The following NEGR1 variants were observed in gnomAD, a reference collection of about 807,000 sequenced individuals.
NEGR1 encodes the protein IgLON family member 4.
Under a neutral mutation model 40.9 loss-of-function variants are expected in NEGR1, and 10 were observed. The ratio of observed to expected loss-of-function variants is 0.24; its 90% CI spans 0.15 to 0.42. The LOEUF (loss-of-function observed/expected upper bound fraction) is 0.42, where lower values mean the gene tolerates loss of function less well. Among genes scored for constraint, NEGR1 ranks in the 10% least tolerant of loss-of-function variants. The pLI, the probability that NEGR1 is intolerant of heterozygous loss-of-function variation, is 1.00. For synonymous variants in NEGR1, 185 were observed against 166.8 expected, an observed-to-expected ratio of 1.11 and a Z score of -0.84; for missense variants, 352 against 438.9, an observed-to-expected ratio of 0.80 and a Z score of 1.77.
At chr1:71,860,246 A>G (rs1348028155) in intron 2 of NEGR1, among the ~76,000 whole-genome samples, 4 of 152,062 alleles carry the variant, frequency 2.6e-5, no homozygotes, top group Non-Finnish European at 4.4e-5. Context: ...GTAAGAGACA[A>G]TATACGCTTG....
chr1:72,203,687 T>A (rs1360203257), intron 1 of NEGR1, among the ~76,000 whole-genome samples: 1 of 152,146 alleles, frequency 6.6e-6, no homozygotes, highest in Non-Finnish European at 1.5e-5. Context: ...CATCACATGC[T>A]GTGGAAAAAT....
intron 6 of NEGR1, among the ~76,000 whole-genome samples, chr1:71,493,688 G>T (rs371416117): frequency 6.6e-6 from 1 of 152,096 alleles, no homozygotes; most frequent in East Asian, 1.9e-4. Context: ...AATATAAAGA[G>T]AATACTTCAC....
intron 4 of NEGR1, among the ~76,000 whole-genome samples, chr1:71,612,280 G>T (rs1263726187): frequency 6.6e-6 from 1 of 152,168 alleles, no homozygotes; most frequent in Non-Finnish European, 1.5e-5. Flanking sequence ...GTATTTATGG[G>T]TATGCCAGAT....
chr1:71,658,071 A>C (rs1457406997), intron 4 of NEGR1, among the ~76,000 whole-genome samples: 1 of 152,206 alleles, frequency 6.6e-6, no homozygotes, highest in African/African-American at 2.4e-5. Context: ...CCAGCCAAAC[A>C]TAATTAATTG....
intron 4 of NEGR1, among the ~76,000 whole-genome samples, chr1:71,619,182 T>C (rs1032667181): frequency 1.3e-5 from 2 of 152,148 alleles, no homozygotes; most frequent in African/African-American, 4.8e-5. Flanking sequence ...TAAATATATT[T>C]GGCCAAGTTG....
intron 1 of NEGR1, among the ~76,000 whole-genome samples, chr1:72,127,043 G>A (rs566684199): frequency 6.6e-6 from 1 of 152,198 alleles, no homozygotes; most frequent in South Asian, 2.1e-4. Context: ...GAAAATATAA[G>A]GACAAAAGCT....
chr1:72,081,829 G>A (rs1339895383), intron 1 of NEGR1, among the ~76,000 whole-genome samples: 1 of 151,936 alleles, frequency 6.6e-6, no homozygotes, highest in African/African-American at 2.4e-5. Flanking sequence ...TCACTGTTAG[G>A]TAATCATATC....
chr1:71,693,935 C>T (rs1266436442), intron 4 of NEGR1, among the ~76,000 whole-genome samples: 1 of 151,710 alleles, frequency 6.6e-6, no homozygotes, highest in East Asian at 1.9e-4. Flanking sequence ...ATCACACTTT[C>T]TAAATTTTTC....
chr1:71,775,247 G>A (rs1181898168), intron 3 of NEGR1, among the ~76,000 whole-genome samples: 2 of 151,908 alleles, frequency 1.3e-5, no homozygotes, highest in African/African-American at 4.8e-5. Context: ...TTTGTCTATT[G>A]ATTGGTGATT....
At chr1:71,618,204 T>C (rs1650503849) in intron 4 of NEGR1, among the ~76,000 whole-genome samples, 1 of 152,204 alleles carries the variant, frequency 6.6e-6, no homozygotes, top group South Asian at 2.1e-4. Context: ...CGAAAGACTT[T>C]GAGCATTACT....
At chr1:72,239,636 G>A (rs368537380) in intron 1 of NEGR1, among the ~76,000 whole-genome samples, 6 of 151,434 alleles carry the variant, frequency 4.0e-5, no homozygotes, top group Non-Finnish European at 5.9e-5. Flanking sequence ...TCAATATAAC[G>A]ATAAAAAATA....
At chr1:71,496,603 T>TA (rs1264876802) in intron 6 of NEGR1, among the ~76,000 whole-genome samples, 2 of 145,172 alleles carry the variant, frequency 1.4e-5, no homozygotes, top group Admixed American at 6.9e-5. Context: ...TTTTTTTTTT[T>TA]ATCCCTAGAT....
intron 1 of NEGR1, among the ~76,000 whole-genome samples, chr1:72,040,577 C>CAAAAAAAAAAAAAAAAAAAAAAAAAAAAA (rs5775102): frequency 3.4e-5 from 1 of 29,704 alleles, no homozygotes; most frequent in African/African-American, 1.2e-4. Flanking sequence ...GAGCACTGAC[C>CAAAAAAAAAAAAAAAAAAAAAAAAAAAAA]AAAAAAAAAA....
chr1:71,694,461 T>G (rs1475017579), intron 4 of NEGR1, among the ~76,000 whole-genome samples: 1 of 151,904 alleles, frequency 6.6e-6, no homozygotes, highest in African/African-American at 2.4e-5. Flanking sequence ...AAAATTTCTT[T>G]CTATCTATAG....
intron 6 of NEGR1, among the ~76,000 whole-genome samples, chr1:71,450,894 G>C (rs1238516007): frequency 6.6e-6 from 1 of 151,938 alleles, no homozygotes; most frequent in Non-Finnish European, 1.5e-5. Context: ...AATCATTAAT[G>C]ATTAAATATT....
chr1:71,877,799 C>A (rs1660474551), intron 2 of NEGR1, among the ~76,000 whole-genome samples: 2 of 152,242 alleles, frequency 1.3e-5, no homozygotes, highest in South Asian at 2.1e-4. Flanking sequence ...TCATTTTCTA[C>A]TGCAGCTGTC....
chr1:71,494,729 G>C (rs2101391148), intron 6 of NEGR1, among the ~76,000 whole-genome samples: 1 of 152,118 alleles, frequency 6.6e-6, no homozygotes, highest in South Asian at 2.1e-4. Flanking sequence ...TTGCATTGTT[G>C]GTCAAACTCA....
chr1:72,261,263 A>C (rs757993522), intron 1 of NEGR1, among the ~76,000 whole-genome samples: 2 of 152,072 alleles, frequency 1.3e-5, no homozygotes, highest in African/African-American at 2.4e-5. Flanking sequence ...GTTCATAACC[A>C]ATTTGGAGAC....
At chr1:72,037,079 C>T (rs1461634583) in intron 1 of NEGR1, among the ~76,000 whole-genome samples, 1 of 152,026 alleles carries the variant, frequency 6.6e-6, no homozygotes, top group Non-Finnish European at 1.5e-5. Context: ...TGAGAACATC[C>T]TATGACTTCT....
Sources: gnomAD v4.1 joint callset for allele counts (sites outside exome capture counted in the v4.1 genomes callset) on GRCh38, gnomAD v4.1.1 for gene constraint, MANE v1.5 for transcripts, NCBI Gene and HGNC (gene_info 2026-07-23, HGNC 2026-07-21) for gene names.